Variants in CCDC85A observed in about 807,000 individuals in gnomAD.
The protein encoded by CCDC85A is coiled-coil domain-containing protein 85A.
CCDC85A carries 38 observed loss-of-function variants against 50.2 expected under a neutral mutation model. The ratio of observed to expected loss-of-function variants is 0.76; its 90% CI spans 0.58 to 0.99. The LOEUF (loss-of-function observed/expected upper bound fraction) is 0.99. Ranked by LOEUF, CCDC85A falls within the 50% of genes least tolerant of loss-of-function variation. CCDC85A has a pLI of 0.00. For synonymous variants in CCDC85A, 366 were observed against 301.4 expected, an observed-to-expected ratio of 1.21 and a Z score of -2.22; for missense variants, 820 against 742.0, an observed-to-expected ratio of 1.11 and a Z score of -1.22.
At chr2:56,208,900 C>T (rs1340944072) in intron 2 of CCDC85A, among the ~76,000 whole-genome samples, 1 of 152,040 alleles carries the variant, frequency 6.6e-6, no homozygotes, top group African/African-American at 2.4e-5. Context: ...TACCCCACAG[C>T]AGACCTCAAA....
intron 2 of CCDC85A, among the ~76,000 whole-genome samples, chr2:56,304,739 A>G (rs1472867523): frequency 2.0e-5 from 3 of 152,036 alleles, no homozygotes; most frequent in African/African-American, 4.8e-5. Flanking sequence ...TCCTTTTAAT[A>G]TGCTTACAAT....
chr2:56,290,993 C>A (rs1346790192), intron 2 of CCDC85A, among the ~76,000 whole-genome samples: 3 of 152,174 alleles, frequency 2.0e-5, no homozygotes, highest in African/African-American at 7.2e-5. Flanking sequence ...TAGTGTTTTG[C>A]AGATTCATTT....
chr2:56,375,905 G>A lies in CCDC85A; in HGVS notation c.1542G>A (p.Gln514=). The A allele has an allele frequency of 6.2e-7, 1 of 1,613,784 alleles. No homozygotes were observed. Among genetic ancestry groups the A allele is most frequent in the Non-Finnish European group, 8.5e-7 (1 of 1,179,810 alleles). The change falls in exon 5 of 6, where the codon CAG becomes CAA. Residue 514 remains glutamine, a synonymous_variant. Coordinates refer to ENST00000407595, the MANE Select transcript of CCDC85A (RefSeq NM_001080433.2). The stretch of plus-strand genomic sequence containing the variant: ...TCAGTGGACATGCCACACCTTCCCA[G>A]CAGCCTGAACCTGTGGTACATTCTC... ...ASFSGHATPS[Q]QPEPVVHSLK...
At chr2:56,336,798 G>C (rs116054375) in intron 2 of CCDC85A, among the ~76,000 whole-genome samples, 62 of 152,230 alleles carry the variant, frequency 4.1e-4, no homozygotes, top group African/African-American at 1.5e-3. Flanking sequence ...TTGCAGGTTA[G>C]CTGAAGTGAA....
At chr2:56,352,124 A>C (rs556084464) in intron 3 of CCDC85A, among the ~76,000 whole-genome samples, 1 of 152,248 alleles carries the variant, frequency 6.6e-6, no homozygotes, top group East Asian at 1.9e-4. Flanking sequence ...TCTTTCCTGT[A>C]GCCTGAGGAA....
At chr2:56,354,820 G>T (rs1389749749) in intron 3 of CCDC85A, among the ~76,000 whole-genome samples, 4 of 152,080 alleles carry the variant, frequency 2.6e-5, no homozygotes, top group Non-Finnish European at 5.9e-5. Flanking sequence ...ACGATTTAGG[G>T]TTTATTTTAG....
intron 3 of CCDC85A, among the ~76,000 whole-genome samples, chr2:56,358,751 G>C (rs1424958346): frequency 2.0e-5 from 3 of 151,782 alleles, no homozygotes; most frequent in Admixed American, 6.6e-5. Context: ...ATTCATCCAT[G>C]ACTCTGGGTT....
intron 2 of CCDC85A, among the ~76,000 whole-genome samples, chr2:56,215,522 A>G (rs1382300324): frequency 1.3e-5 from 2 of 150,936 alleles, no homozygotes; most frequent in Non-Finnish European, 3.0e-5. Context: ...TGTTAACTGT[A>G]GATTTTTAAA....
intron 4 of CCDC85A, among the ~76,000 whole-genome samples, chr2:56,374,592 T>C (rs1261947793): frequency 6.6e-6 from 1 of 152,100 alleles, no homozygotes; most frequent in African/African-American, 2.4e-5. Flanking sequence ...GAGGATCACT[T>C]GAGGCCAGGA....
chr2:56,342,845 G>C (rs375501421), intron 2 of CCDC85A, 34 bp from the exon 3 acceptor site: 3 of 1,398,690 alleles, frequency 2.1e-6, no homozygotes, highest in Non-Finnish European at 3.0e-6. Flanking sequence ...CAAGACCTGT[G>C]TGTATAATGT....
chr2:56,301,907 G>A (rs1421048959), intron 2 of CCDC85A, among the ~76,000 whole-genome samples: 1 of 152,144 alleles, frequency 6.6e-6, no homozygotes, highest in East Asian at 1.9e-4. Flanking sequence ...GCATACCTAT[G>A]TAACAAACCT....
chr2:56,300,467 G>A (rs7561764), intron 2 of CCDC85A, among the ~76,000 whole-genome samples: 40,512 of 152,040 alleles, frequency 0.27, 8,438 homozygotes, highest in African/African-American at 0.58. Context: ...TTTCCCAATA[G>A]GGGCAGTTTT....
In CCDC85A at chr2:56,375,837, G is replaced by T. The variant is rs772344985; in HGVS notation, c.1474G>T (p.Gly492Trp). The change falls in exon 5 of 6, where the codon GGG (glycine) becomes TGG (tryptophan). Residue 492 changes from glycine to tryptophan, a missense_variant. Physicochemically the swap from Gly to Trp is radical, Grantham distance 184. Transcript: ENST00000407595. ...TLPGSFRLSS[G>W]ADGSNSSPNS... ...TAAGGGTTCTTTTAGGTTGTCATCA[G>T]GGGCTGATGGGAGTAACAGTTCACC... 1 of 1,613,662 alleles carries T rather than the reference G, an allele frequency of 6.2e-7. No individual in the cohort carries two copies. The highest frequency in any genetic ancestry group is 8.5e-7 in the Non-Finnish European group (1 of 1,179,748).
chr2:56,291,934 A>G (rs948218294), intron 2 of CCDC85A, among the ~76,000 whole-genome samples: 1 of 152,154 alleles, frequency 6.6e-6, no homozygotes, highest in African/African-American at 2.4e-5. Flanking sequence ...GAGAGATGGC[A>G]AAGGCTAGCT....
intron 2 of CCDC85A, among the ~76,000 whole-genome samples, chr2:56,323,897 A>G (rs776899275): frequency 1.3e-5 from 2 of 152,108 alleles, no homozygotes; most frequent in Non-Finnish European, 2.9e-5. Flanking sequence ...AATAGAATAC[A>G]TTTCAAGTGA....
chr2:56,360,036 G>A (rs1675443554), intron 3 of CCDC85A, among the ~76,000 whole-genome samples: 1 of 152,200 alleles, frequency 6.6e-6, no homozygotes, highest in Non-Finnish European at 1.5e-5. Context: ...CACCAGGACT[G>A]ATTGACATCA....
intron 3 of CCDC85A, among the ~76,000 whole-genome samples, chr2:56,344,911 G>A (rs989559950): frequency 6.8e-6 from 1 of 146,962 alleles, no homozygotes. Context: ...CAAACTAATA[G>A]CATGTATGCC....
At chr2:56,269,703 C>G (rs114433406) in intron 2 of CCDC85A, among the ~76,000 whole-genome samples, 636 of 152,272 alleles carry the variant, frequency 4.2e-3, no homozygotes, top group African/African-American at 0.014. Flanking sequence ...TTGGTGCTGT[C>G]TTAATTCTCC....
At chr2:56,382,817 C>T (rs1676652743) in intron 5 of CCDC85A, among the ~76,000 whole-genome samples, 2 of 151,980 alleles carry the variant, frequency 1.3e-5, no homozygotes, top group African/African-American at 4.8e-5. Context: ...GTGCTGGTGT[C>T]TGTTATCCGT....
Sources: gnomAD v4.1 joint callset for allele counts (sites outside exome capture counted in the v4.1 genomes callset) on GRCh38, gnomAD v4.1.1 for gene constraint, MANE v1.5 for transcripts, NCBI Gene and HGNC (gene_info 2026-07-23, HGNC 2026-07-21) for gene names.